Variants in ATP6V0E1 observed in about 807,000 individuals in gnomAD.
ATP6V0E1 encodes the protein ATPase H+ transporting V0 subunit e1.
ATP6V0E1 carries 4 observed loss-of-function variants against 11.6 expected under a neutral mutation model. That is an observed-to-expected ratio of 0.35 (90% CI 0.17 to 0.79). The LOEUF is 0.79. Among genes scored for constraint, ATP6V0E1 ranks in the 30% least tolerant of loss-of-function variants. The pLI, the probability that ATP6V0E1 is intolerant of heterozygous loss-of-function variation, is 0.54. For synonymous variants in ATP6V0E1, 36 were observed against 34.8 expected (o/e 1.04, Z -0.13); for missense variants, 105 against 100.0 (o/e 1.05, Z -0.21).
At chr5:173,008,841 G>A (rs1439407977) in intron 2 of ATP6V0E1, among the ~76,000 whole-genome samples, 1 of 148,234 alleles carries the variant, frequency 6.7e-6, no homozygotes. Flanking sequence ...AACCCGGGAG[G>A]CAGAGCTTGC....
intron 2 of ATP6V0E1, among the ~76,000 whole-genome samples, chr5:173,015,446 G>A (rs1210204909): frequency 6.6e-6 from 1 of 152,106 alleles, no homozygotes; most frequent in Admixed American, 6.5e-5. Flanking sequence ...ATCTAATCAC[G>A]AACCAAGGAA....
In ATP6V0E1 at chr5:173,032,291, T is replaced by G. The variant is rs528680931; in HGVS notation, c.*37-2108T>G. 1.1e-4 allele frequency among the ~76,000 whole-genome samples: 17 copies of G among 150,430 alleles called. No homozygotes were observed. The South Asian group carries it at 3.5e-3, about 31-fold the overall frequency. On this transcript the variant is annotated intron_variant, in intron 3 of 3. Transcript: ENST00000519374. ...TTTATTTATTTATTTATTTATTTAT[T>G]TATTTATTTATTTTGAGATGGGGTC...
chr5:173,016,205 AACCAAGC>A (rs1756397628), intron 2 of ATP6V0E1, among the ~76,000 whole-genome samples: 1 of 152,192 alleles, frequency 6.6e-6, no homozygotes, highest in Non-Finnish European at 1.5e-5. Flanking sequence ...GGTCTTGTGG[AACCAAGC>A]CCTCACCCTG....
At chr5:172,999,386 C>T (rs1457896146) in intron 2 of ATP6V0E1, among the ~76,000 whole-genome samples, 4 of 151,898 alleles carry the variant, frequency 2.6e-5, no homozygotes, top group Non-Finnish European at 5.9e-5. Flanking sequence ...TGCATTGGCA[C>T]TACCATAGTT....
intron 2 of ATP6V0E1, among the ~76,000 whole-genome samples, chr5:173,018,285 T>A (rs1690155792): frequency 6.6e-6 from 1 of 152,212 alleles, no homozygotes; most frequent in African/African-American, 2.4e-5. Flanking sequence ...AAAATATGTT[T>A]ACTATTATAT....
rs1051745799 is a variant in ATP6V0E1, at chr5:173,002,491, C to T, written c.152+7669C>T. Among the ~76,000 whole-genome samples the T allele has an allele frequency of 5.9e-5, 9 of 152,112 alleles. No homozygotes were observed. The East Asian group carries it at 1.2e-3, about 20-fold the overall frequency. On this transcript the variant is annotated intron_variant, in intron 2 of 3. Coordinates refer to ENST00000519374, the MANE Select transcript of ATP6V0E1 (RefSeq NM_003945.4). ...TAATTGCATACTCATGGTGGTAACA[C>T]GTTCTTCTGTATTTTCTATGAATTG...
At chr5:172,986,933 G>A (rs1050702683) in intron 1 of ATP6V0E1, among the ~76,000 whole-genome samples, 11 of 151,738 alleles carry the variant, frequency 7.2e-5, no homozygotes, top group South Asian at 2.1e-4. Context: ...GGTTACAGGC[G>A]CGCACCACCA....
chr5:173,024,846 CT>C (rs542062411), intron 3 of ATP6V0E1, among the ~76,000 whole-genome samples: 6,029 of 136,058 alleles, frequency 0.044, 194 homozygotes, highest in African/African-American at 0.13. Context: ...TTTCTTTTTT[CT>C]TTTTTTTTTT....
intron 3 of ATP6V0E1, among the ~76,000 whole-genome samples, chr5:173,024,832 TTTTTTTC>T (rs1385263118): frequency 4.0e-5 from 6 of 150,472 alleles, no homozygotes; most frequent in Non-Finnish European, 5.9e-5. Context: ...TTTTATTTTA[TTTTTTTC>T]TTTTTTCTTT....
At chr5:172,996,276 C>G (rs537161604) in intron 2 of ATP6V0E1, among the ~76,000 whole-genome samples, 20 of 152,210 alleles carry the variant, frequency 1.3e-4, no homozygotes, top group Non-Finnish European at 2.5e-4. Flanking sequence ...AAGTCACATT[C>G]CGGCCAGGAT....
At chr5:173,013,788 A>G (rs1756365807) in intron 2 of ATP6V0E1, among the ~76,000 whole-genome samples, 1 of 152,200 alleles carries the variant, frequency 6.6e-6, no homozygotes. Context: ...AATATTATTA[A>G]TCACTAGGGA....
intron 2 of ATP6V0E1, among the ~76,000 whole-genome samples, chr5:173,008,024 G>A (rs556375349): frequency 2.0e-5 from 3 of 152,310 alleles, no homozygotes; most frequent in East Asian, 1.9e-4. Flanking sequence ...TTCTGGCCTC[G>A]AGCCATAGTA....
Position 173,032,262 on chromosome 5 carries a change from TTTATTTA to T in ATP6V0E1, c.*37-2134_*37-2128del, listed in dbSNP as rs1561778688. ...ACTTTTATTTTATTTTATTTATTTA[TTTATTTA>T]TTTATTTATTTATTTATTTATTTAT... On this transcript the variant is annotated intron_variant, in intron 3 of 3. Transcript: ENST00000519374. Among the ~76,000 whole-genome samples, 174 of 114,266 alleles carry T rather than the reference TTTATTTA, an allele frequency of 1.5e-3. 2 individuals are homozygous for T. Among genetic ancestry groups the T allele is most frequent in the South Asian group, 4.7e-3 (16 of 3,434 alleles). The allele number at this position is 114,266 out of a possible 152,430, so 75.0% of individuals were successfully genotyped here. A position where few individuals can be genotyped will look rare whatever the true frequency, so the allele number is the denominator to read the frequency against.
chr5:172,994,846 T>C, intron 2 of ATP6V0E1, 24 bp downstream of exon 2: 1 of 1,569,616 alleles, frequency 6.4e-7, no homozygotes, highest in Non-Finnish European at 8.7e-7. Flanking sequence ...TCTTAAGTAA[T>C]TATTCTTGGT....
chr5:173,030,921 GTATTTATT>G (rs33921331), intron 3 of ATP6V0E1, among the ~76,000 whole-genome samples: 7,874 of 141,830 alleles, frequency 0.056, 264 homozygotes, highest in Non-Finnish European at 0.064. Flanking sequence ...GCTAATTTTT[GTATTTATT>G]TATTTATTTA....
In ATP6V0E1 at chr5:173,011,747, C is replaced by T. The variant is rs143148222; in HGVS notation, c.153-8491C>T. ...CAGATTGGTTATTAAGGCTGGCCCT[C>T]AGGTTATGAAGACATGCGGTACAGT... is the stretch of plus-strand genomic sequence containing the variant. On this transcript the variant is annotated intron_variant, in intron 2 of 3. Coordinates refer to ENST00000519374, the MANE Select transcript of ATP6V0E1 (RefSeq NM_003945.4). 5.2e-3 allele frequency among the ~76,000 whole-genome samples: 789 copies of T among 152,266 alleles called. 28 individuals carry two copies. The highest frequency in any genetic ancestry group is 0.045 in the Admixed American group (682 of 15,280).
chr5:173,020,480 T>C (rs1206375697), intron 3 of ATP6V0E1, 113 bp downstream of exon 3: 1 of 633,090 alleles, frequency 1.6e-6, no homozygotes, highest in East Asian at 2.7e-5. Flanking sequence ...AGCTGCTGAA[T>C]GCAAACACGA....
At chr5:172,990,597 G>T (rs2113579270) in intron 1 of ATP6V0E1, among the ~76,000 whole-genome samples, 1 of 152,156 alleles carries the variant, frequency 6.6e-6, no homozygotes, top group South Asian at 2.1e-4. Context: ...GGAAGGCTGA[G>T]GTGGGTGGAT....
At chr5:173,012,269 T>A (rs982963369) in intron 2 of ATP6V0E1, among the ~76,000 whole-genome samples, 2 of 151,550 alleles carry the variant, frequency 1.3e-5, no homozygotes, top group African/African-American at 4.8e-5. Context: ...TGACCTCAGG[T>A]GATCCGCCCG....
Sources: gnomAD v4.1 joint callset for allele counts (sites outside exome capture counted in the v4.1 genomes callset) on GRCh38, gnomAD v4.1.1 for gene constraint, MANE v1.5 for transcripts, NCBI Gene and HGNC (gene_info 2026-07-23, HGNC 2026-07-21) for gene names.